The following STAT3 variants were observed in gnomAD, a reference collection of about 807,000 sequenced individuals.
STAT3 encodes signal transducer and activator of transcription 3.
A neutral mutation model predicts 114.3 loss-of-function variants in STAT3; 7 were observed. The ratio of observed to expected loss-of-function variants is 0.06; its 90% confidence interval spans 0.03 to 0.11. The LOEUF (loss-of-function observed/expected upper bound fraction) is 0.11, where lower values mean the gene tolerates loss of function less well. Ranked by LOEUF, STAT3 falls within the 10% of genes least tolerant of loss-of-function variation. The pLI is 1.00. For missense variants in STAT3, 364 were observed against 960.9 expected (o/e 0.38, Z 8.21); for synonymous variants, 331 against 354.5 (o/e 0.93, Z 0.74).
At chr17:42,332,196 G>A (rs147611332) in intron 10 of STAT3, among the ~76,000 whole-genome samples, 1 of 150,908 alleles carries the variant, frequency 6.6e-6, no homozygotes, top group Admixed American at 6.6e-5. Context: ...CAAAGTGCTG[G>A]GATTACAGGC....
chr17:42,380,664 C>T (rs2084740684), intron 1 of STAT3, among the ~76,000 whole-genome samples: 1 of 152,194 alleles, frequency 6.6e-6, no homozygotes, highest in Non-Finnish European at 1.5e-5. Context: ...GCTGGGATTA[C>T]AGGCGTGAGC....
At chr17:42,339,440 A>T in intron 4 of STAT3, 31 bp from the exon 5 acceptor site, 1 of 1,606,820 alleles carries the variant, frequency 6.2e-7, no homozygotes, top group Non-Finnish European at 8.5e-7. Flanking sequence ...GCACATGTGA[A>T]CACAGAACTA....
intron 1 of STAT3, among the ~76,000 whole-genome samples, chr17:42,385,795 T>C (rs79044169): frequency 0.029 from 4,389 of 152,264 alleles, 99 homozygotes; most frequent in Non-Finnish European, 0.038. Context: ...CATTAGTAAA[T>C]AGCTAAATTC....
At chr17:42,329,508 T>TC (rs1421287659) in intron 13 of STAT3, 46 bp downstream of exon 13, 1 of 1,614,180 alleles carries the variant, frequency 6.2e-7, no homozygotes, top group South Asian at 1.1e-5. Context: ...CCTAGCCCTC[T>TC]CCGGCAGCCA....
At chr17:42,352,923 AAAAC>A (rs2083041318) in intron 1 of STAT3, among the ~76,000 whole-genome samples, 1 of 152,250 alleles carries the variant, frequency 6.6e-6, no homozygotes, top group African/African-American at 2.4e-5. Flanking sequence ...GACTTAGTGA[AAAAC>A]AAAAGAATGT....
At chr17:42,338,639 A>C in intron 6 of STAT3, 92 bp downstream of exon 6, 1 of 1,306,840 alleles carries the variant, frequency 7.7e-7, no homozygotes, top group Non-Finnish European at 1.1e-6. Flanking sequence ...CGCCCGCCTT[A>C]AGATCTAAAC....
chr17:42,323,139 T>C lies in STAT3; in HGVS notation c.1753A>G (p.Ile585Val), dbSNP rs1167039513. 6.2e-7 allele frequency: 1 copy of C among 1,614,128 alleles called. No individual in the cohort carries two copies. Among genetic ancestry groups the C allele is most frequent in the Non-Finnish European group, 8.5e-7 (1 of 1,180,046 alleles). Residue 585 changes from isoleucine to valine, a missense_variant, in exon 20 of 24, where the codon ATC (isoleucine) becomes GTC (valine). By Grantham distance (29) the Ile-to-Val change is conservative. Around this residue, in one of 5 missense-constraint regions of STAT3, gnomAD observed 294 missense variants for 745.1 expected, o/e 0.39. Transcript: ENST00000264657. ...CGCTCCTTACTGATAAAGCCCATGA[T>C]GTACCTGGAGCCAAGGAGGAGGAAC... ...YILALWNEGYIMGFISKERER... is the reference protein window; with the variant it reads ...YILALWNEGYVMGFISKERER...
Position 42,358,320 on chromosome 17 carries a change from G to A in STAT3, c.-23-9781C>T, listed in dbSNP as rs2083331203. 2.6e-5 allele frequency among the ~76,000 whole-genome samples: 4 copies of A among 152,222 alleles called. No homozygotes were observed. The South Asian group carries it at 6.2e-4, about 24-fold the overall frequency. ...TTGTAGTCCCATGGAGGCTGAGGCA[G>A]GAGGATCACTTGAGCAGATTGAGAC... On this transcript the variant is annotated intron_variant, in intron 1 of 23. Coordinates refer to ENST00000264657, the MANE Select transcript of STAT3 (RefSeq NM_139276.3).
intron 1 of STAT3, chr17:42,387,109 A>G (rs2085146395): frequency 6.6e-6 from 1 of 152,204 alleles, no homozygotes; most frequent in African/African-American, 2.4e-5. Context: ...CCATACACAG[A>G]CTATGTAAAC....
chr17:42,331,535 T>C lies in STAT3; in HGVS notation c.1050-4A>G, dbSNP rs1381952085. On this transcript the variant is annotated splice_region_variant and splice_polypyrimidine_tract_variant and intron_variant, in intron 10 of 23. Transcript: ENST00000264657. ...CTCAGGGAATTTGACCAGCAACCTA[T>C]TTAAAAAGAAAAAATCCAAGGAAAA... 1 of 1,613,428 alleles carries C rather than the reference T, an allele frequency of 6.2e-7. No homozygotes were observed.
In STAT3 at chr17:42,333,655, G is replaced by GTAAA. The variant is rs1225910441; in HGVS notation, c.1049+17_1049+18insTTTA. 1 of 1,613,598 alleles carries GTAAA rather than the reference G, an allele frequency of 6.2e-7. No individual in the cohort carries two copies. The highest frequency in any genetic ancestry group is 8.5e-7 in the Non-Finnish European group (1 of 1,179,662). On this transcript the variant is annotated intron_variant, in intron 10 of 23. Transcript: ENST00000264657. The surrounding 1 kb of genome is among the most constrained non-coding windows in gnomAD (Gnocchi z 5.2). ...CCTCAGTAAAATCTCTACTGGAAAT[G>GTAAA]GAAGTGGCATGGCCTACCTGACTTT...
In STAT3 at chr17:42,333,583, G is replaced by GA; in HGVS notation, c.1049+89dup. 6.9e-7 allele frequency: 1 copy of GA among 1,454,158 alleles called. No individual in the cohort carries two copies. The highest frequency in any genetic ancestry group is 9.6e-7 in the Non-Finnish European group (1 of 1,043,418). 90.1% of individuals were successfully genotyped at this position (1,454,158 alleles called of 1,614,324 possible). ...TGTACTGCCTGTGACACCACACCTGGAAAGAATGACCCTGGCCACCAACTC... is the reference window on the plus strand; with the variant it reads ...TGTACTGCCTGTGACACCACACCTGGAAAAGAATGACCCTGGCCACCAACTC... On this transcript the variant is annotated intron_variant, in intron 10 of 23. Coordinates refer to ENST00000264657, the MANE Select transcript of STAT3 (RefSeq NM_139276.3). The surrounding 1 kb of genome is among the most constrained non-coding windows in gnomAD (Gnocchi z 5.2).
intron 1 of STAT3, among the ~76,000 whole-genome samples, chr17:42,378,099 C>T (rs1182412440): frequency 2.0e-5 from 3 of 151,046 alleles, no homozygotes; most frequent in Admixed American, 6.7e-5. Context: ...GATTCTCCTG[C>T]CTCAGCCTCC....
chr17:42,353,976 C>A (rs1467764588), intron 1 of STAT3, among the ~76,000 whole-genome samples: 1 of 152,122 alleles, frequency 6.6e-6, no homozygotes, highest in Non-Finnish European at 1.5e-5. Flanking sequence ...TCCCACTATA[C>A]CTGCTCCATC....
chr17:42,384,305 T>C (rs1352563389), intron 1 of STAT3, among the ~76,000 whole-genome samples: 1 of 151,772 alleles, frequency 6.6e-6, no homozygotes, highest in Admixed American at 6.6e-5. Context: ...CTTTTTTTTG[T>C]ATTTTTAGTA....
At chr17:42,321,360 A>G (rs2144668586) in intron 21 of STAT3, among the ~76,000 whole-genome samples, 1 of 152,138 alleles carries the variant, frequency 6.6e-6, no homozygotes, top group Non-Finnish European at 1.5e-5. Context: ...CCCAGGCTCA[A>G]GTGATCCTCC....
chr17:42,378,140 C>T (rs576033636), intron 1 of STAT3, among the ~76,000 whole-genome samples: 3 of 151,796 alleles, frequency 2.0e-5, no homozygotes, highest in African/African-American at 4.8e-5. Flanking sequence ...CGTGAGCCAC[C>T]GCACCCAGCC....
chr17:42,369,494 T>C (rs934169394), intron 1 of STAT3, among the ~76,000 whole-genome samples: 3 of 152,212 alleles, frequency 2.0e-5, no homozygotes, highest in African/African-American at 7.2e-5. Context: ...TTCCATGTCT[T>C]TGCTATTGTG....
intron 1 of STAT3, among the ~76,000 whole-genome samples, chr17:42,360,992 C>T (rs2083480213): frequency 6.6e-6 from 1 of 152,164 alleles, no homozygotes. Flanking sequence ...ACCTGGAAAT[C>T]TGTACGAGAA....
Sources: gnomAD v4.1 joint callset for allele counts (sites outside exome capture counted in the v4.1 genomes callset) on GRCh38, gnomAD v4.1.1 for gene constraint, gnomAD v4.1.1 regional missense constraint, Gnocchi (gnomAD v3.1) non-coding constraint, MANE v1.5 for transcripts, NCBI Gene and HGNC (gene_info 2026-07-23, HGNC 2026-07-21) for gene names.